ABTB2: variants seen among roughly 807,000 people sequenced by gnomAD.
The protein encoded by ABTB2 is ankyrin repeat and BTB domain containing 2.
A neutral mutation model predicts 104.1 loss-of-function variants in ABTB2; 56 were observed. That is an observed-to-expected ratio of 0.54 (90% CI 0.43 to 0.67). The LOEUF is 0.67. Among genes scored for constraint, ABTB2 ranks in the 30% least tolerant of loss-of-function variants. ABTB2 has a pLI of 0.00. For missense variants in ABTB2, 1,279 were observed against 1,407.7 expected, an observed-to-expected ratio of 0.91 and a Z score of 1.46; for synonymous variants, 606 against 608.2, an observed-to-expected ratio of 1.00 and a Z score of 0.05.
At chr11:34,292,251 G>A (rs1854572009) in intron 1 of ABTB2, among the ~76,000 whole-genome samples, 1 of 152,200 alleles carries the variant, frequency 6.6e-6, no homozygotes, top group Non-Finnish European at 1.5e-5. Context: ...TCTCTGAGAG[G>A]ACTGGGAGTG....
At chr11:34,339,998 T>A (rs1449091760) in intron 1 of ABTB2, among the ~76,000 whole-genome samples, 1 of 151,934 alleles carries the variant, frequency 6.6e-6, no homozygotes, top group Non-Finnish European at 1.5e-5. Flanking sequence ...TGCACAGTCA[T>A]GCTTTATGAT....
chr11:34,292,140 G>T (rs925018835), intron 1 of ABTB2, among the ~76,000 whole-genome samples: 3 of 152,066 alleles, frequency 2.0e-5, no homozygotes, highest in African/African-American at 7.2e-5. Flanking sequence ...CATTCTGCTT[G>T]AGACACTGGC....
At chr11:34,284,521 C>T (rs774319606) in intron 1 of ABTB2, among the ~76,000 whole-genome samples, 1 of 152,134 alleles carries the variant, frequency 6.6e-6, no homozygotes, top group East Asian at 1.9e-4. Flanking sequence ...ACTAATAAAT[C>T]GGCCTGCAAA....
intron 1 of ABTB2, among the ~76,000 whole-genome samples, chr11:34,218,278 G>C (rs565653652): frequency 6.6e-6 from 1 of 152,140 alleles, no homozygotes; most frequent in Non-Finnish European, 1.5e-5. Flanking sequence ...CTCTTACAGA[G>C]TAGAAACTAA....
At chr11:34,204,790 TTGACAGAGAGAG>T in intron 1 of ABTB2, 100 bp from the exon 2 acceptor site, 1 of 1,348,394 alleles carries the variant, frequency 7.4e-7, no homozygotes, top group East Asian at 2.4e-5. Flanking sequence ...TCCCCTGCTC[TTGACAGAGAGAG>T]GTTCAGGAGG....
At chr11:34,168,232 C>T (rs1005250986) in intron 5 of ABTB2, among the ~76,000 whole-genome samples, 6 of 152,220 alleles carry the variant, frequency 3.9e-5, no homozygotes, top group Non-Finnish European at 8.8e-5. Context: ...GCCGTGCAGC[C>T]AGGCTCGGTG....
At chr11:34,227,045 C>T (rs1464124732) in intron 1 of ABTB2, among the ~76,000 whole-genome samples, 1 of 151,784 alleles carries the variant, frequency 6.6e-6, no homozygotes, top group African/African-American at 2.4e-5. Flanking sequence ...CTGAAAAAGA[C>T]TCTGTCTCCA....
At chr11:34,320,504 G>A (rs950355002) in intron 1 of ABTB2, among the ~76,000 whole-genome samples, 1 of 152,164 alleles carries the variant, frequency 6.6e-6, no homozygotes, top group African/African-American at 2.4e-5. Context: ...GGTGTACAGA[G>A]ATTTATGATA....
At chr11:34,205,395 CT>C (rs1853397006) in intron 1 of ABTB2, among the ~76,000 whole-genome samples, 1 of 152,206 alleles carries the variant, frequency 6.6e-6, no homozygotes, top group African/African-American at 2.4e-5. Flanking sequence ...GGGTGACAGC[CT>C]GTAAATTTCT....
chr11:34,164,738 A>G lies in ABTB2; in HGVS notation c.1936T>C (p.Ser646Pro), dbSNP rs560314355. The G allele has an allele frequency of 3.1e-5, 48 of 1,554,638 alleles. 1 individual carries two copies. In the South Asian group the frequency reaches 4.7e-4, roughly 15 times the overall value. Residue 646 changes from serine (S) to proline (P), a missense_variant, in exon 9 of 17, where the codon TCC becomes CCC. Ser to Pro is a moderately conservative substitution (Grantham distance 74, BLOSUM62 -1). Transcript: ENST00000435224. ...SMLEAHGMGS[S>P]LHEDMNCFSH... ...AAGCAGTTCATGTCCTCGTGGAGGG[A>G]GGAGCCCATGCCGTGGGCCTCCAGC... is the stretch of plus-strand genomic sequence containing the variant.
intron 3 of ABTB2, among the ~76,000 whole-genome samples, chr11:34,195,075 C>CCGGGGGGG (rs1554982287): frequency 1.7e-4 from 3 of 18,064 alleles, no homozygotes; most frequent in Non-Finnish European, 2.0e-4. Flanking sequence ...AGATGCCCGG[C>CCGGGGGGG]GGGGGGGGGG....
At chr11:34,325,186 C>T (rs1855054634) in intron 1 of ABTB2, among the ~76,000 whole-genome samples, 1 of 152,108 alleles carries the variant, frequency 6.6e-6, no homozygotes, top group African/African-American at 2.4e-5. Flanking sequence ...AAGAAGATAT[C>T]CTATGAATAT....
rs1411808245 is a variant in ABTB2, at chr11:34,165,266, C to T, written c.1846G>A (p.Ala616Thr). 6.4e-7 allele frequency: 1 copy of T among 1,552,020 alleles called. No homozygotes were observed. The highest frequency in any genetic ancestry group is 1.2e-5 in the South Asian group (1 of 83,972). Residue 616 changes from alanine to threonine, a missense_variant, in exon 8 of 17, where the codon GCG (alanine) becomes ACG (threonine). Physicochemically the swap from Ala to Thr is moderately conservative, Grantham distance 58 (BLOSUM62 0). Coordinates refer to ENST00000435224, the MANE Select transcript of ABTB2 (RefSeq NM_145804.3). ...YAETPLQLAS[A>T]AGNYELVSLL... The stretch of plus-strand genomic sequence containing the variant: ...CCGGGTAGCAGGTGCCTACCTGCCG[C>T]AGAGGCCAGCTGCAGGGGCGTCTCC...
At chr11:34,355,821 T>C (rs1350885657) in intron 1 of ABTB2, among the ~76,000 whole-genome samples, 1 of 152,224 alleles carries the variant, frequency 6.6e-6, no homozygotes, top group Non-Finnish European at 1.5e-5. Context: ...GAAAAGGTCA[T>C]GTGCTTTGTT....
At chr11:34,264,332 A>G (rs1854222551) in intron 1 of ABTB2, among the ~76,000 whole-genome samples, 1 of 152,230 alleles carries the variant, frequency 6.6e-6, no homozygotes, top group Admixed American at 6.5e-5. Flanking sequence ...CACATCAGGC[A>G]CATGGCGATG....
At chr11:34,177,806 G>A (rs1276063398) in intron 3 of ABTB2, among the ~76,000 whole-genome samples, 1 of 152,024 alleles carries the variant, frequency 6.6e-6, no homozygotes, top group East Asian at 1.9e-4. Context: ...AAGCTCAAGC[G>A]ATCTGCCAAC....
At chr11:34,297,612 C>T (rs1279852142) in intron 1 of ABTB2, among the ~76,000 whole-genome samples, 3 of 151,618 alleles carry the variant, frequency 2.0e-5, no homozygotes, top group Non-Finnish European at 2.9e-5. Flanking sequence ...ACTAAAAATA[C>T]AAAATTAGCT....
intron 1 of ABTB2, chr11:34,335,863 G>T: frequency 9.1e-7 from 1 of 1,104,840 alleles, no homozygotes; most frequent in Non-Finnish European, 1.4e-6. Flanking sequence ...TATATCTGGA[G>T]GTAGAGCGGC....
chr11:34,159,833 T>TC (rs1351894632), intron 13 of ABTB2, 73 bp downstream of exon 13: 39 of 1,252,536 alleles, frequency 3.1e-5, no homozygotes, highest in Non-Finnish European at 4.4e-5. Flanking sequence ...CGAGTCACTC[T>TC]CTGTCACCTG....
Sources: gnomAD v4.1 joint callset for allele counts (sites outside exome capture counted in the v4.1 genomes callset) on GRCh38, gnomAD v4.1.1 for gene constraint, MANE v1.5 for transcripts, NCBI Gene and HGNC (gene_info 2026-07-23, HGNC 2026-07-21) for gene names.